Variants in COQ8A observed in about 807,000 individuals in gnomAD.
COQ8A encodes coenzyme Q8A.
In COQ8A, 51 loss-of-function variants were observed where a neutral mutation model predicts 65.0. That is an observed-to-expected ratio of 0.78 (90% CI 0.63 to 0.99). The LOEUF (loss-of-function observed/expected upper bound fraction) is 0.99, where lower values mean the gene tolerates loss of function less well. Ranked by LOEUF, COQ8A falls within the 50% of genes least tolerant of loss-of-function variation. The pLI is 0.00. For synonymous variants in COQ8A, 371 were observed against 353.2 expected, an observed-to-expected ratio of 1.05 and a Z score of -0.57; for missense variants, 940 against 875.0, an observed-to-expected ratio of 1.07 and a Z score of -0.94.
chr1:226,960,653 G>A (rs993545387), intron 1 of COQ8A, among the ~76,000 whole-genome samples: 1 of 151,426 alleles, frequency 6.6e-6, no homozygotes, highest in African/African-American at 2.4e-5. Context: ...GTGGTGCTTG[G>A]TGGTGGTGGT....
chr1:226,964,941 G>C (rs1298428399), intron 2 of COQ8A, 59 bp from the exon 3 acceptor site: 1 of 1,593,986 alleles, frequency 6.3e-7, no homozygotes, highest in African/African-American at 1.3e-5. Flanking sequence ...CAGGGGACAG[G>C]CAGGGAGGAG....
chr1:226,966,779 C>G (rs993582573), intron 4 of COQ8A, among the ~76,000 whole-genome samples: 2 of 152,110 alleles, frequency 1.3e-5, no homozygotes, highest in Non-Finnish European at 1.5e-5. Context: ...TTTGGAAACC[C>G]CATCCTACTT....
chr1:226,964,086 T>C (rs891111396), intron 2 of COQ8A, among the ~76,000 whole-genome samples: 5 of 152,194 alleles, frequency 3.3e-5, no homozygotes, highest in African/African-American at 1.2e-4. Context: ...TCCCATCCTG[T>C]GACATCTTAG....
chr1:226,983,772 G>C lies in COQ8A; in HGVS notation c.1174G>C (p.Glu392Gln), dbSNP rs760476900. Reference sequence around the variant, plus strand: ...CCTCCCTGGCCCAGGCCTGTTCCCCGAGCACCTGATCGACGTGCTGAGGCG... The same window carrying C: ...CCTCCCTGGCCCAGGCCTGTTCCCCCAGCACCTGATCGACGTGCTGAGGCG... ...SNMLPEGLFPEHLIDVLRREL... is the reference protein window; with the variant it reads ...SNMLPEGLFPQHLIDVLRREL... The change falls in exon 10 of 15, where the codon GAG (glutamate) becomes CAG (glutamine). Residue 392 changes from glutamate (E) to glutamine (Q), a missense_variant. Glu to Gln is a conservative substitution (Grantham distance 29, BLOSUM62 2). Transcript: ENST00000366777. 2 of 1,613,088 alleles carry C rather than the reference G, an allele frequency of 1.2e-6. No homozygotes were observed. Among genetic ancestry groups the C allele is most frequent in the Non-Finnish European group, 1.7e-6 (2 of 1,179,984 alleles).
rs553329388 is a variant in COQ8A at position 226,961,098 on chromosome 1, G to T, written c.-9-279G>T. Among the ~76,000 whole-genome samples the T allele has an allele frequency of 5.9e-5, 9 of 152,300 alleles. No homozygotes were observed. In the South Asian group the frequency reaches 1.4e-3, roughly 25 times the overall value. On this transcript the variant is annotated intron_variant, in intron 1 of 14. Transcript: ENST00000366777. Reference sequence around the variant, plus strand: ...TGTCTGTGCCTCAGGTTTTCCGTAGGGTGCTTGTGAGGCCCAGGTGAGGAA... The same window carrying T: ...TGTCTGTGCCTCAGGTTTTCCGTAGTGTGCTTGTGAGGCCCAGGTGAGGAA...
intron 14 of COQ8A, among the ~76,000 whole-genome samples, chr1:226,986,136 T>G (rs545607932): frequency 6.6e-6 from 1 of 152,294 alleles, no homozygotes; most frequent in Admixed American, 6.5e-5. Context: ...CCCTGCCAGC[T>G]TAGGCCCACG....
chr1:226,985,055 C>A, intron 13 of COQ8A, 114 bp downstream of exon 13: 1 of 1,388,594 alleles, frequency 7.2e-7, no homozygotes, highest in Non-Finnish European at 1.0e-6. Flanking sequence ...TCCCCATCTG[C>A]GCTGCCTGCC....
Position 226,949,315 on chromosome 1 carries a change from G to A in COQ8A, c.-10+8916G>A, listed in dbSNP as rs1412036807. On this transcript the variant is annotated intron_variant, in intron 1 of 14. Transcript: ENST00000366777. The surrounding 1 kb of genome is among the most constrained non-coding windows in gnomAD (Gnocchi z 4.0). The stretch of plus-strand genomic sequence containing the variant: ...CAGGTAGAGGAGCCATTTGAGCAAC[G>A]CGTTGGCATGATGAACGTGGGTTTT... Among the ~76,000 whole-genome samples, 1 of 152,052 alleles carries A rather than the reference G, an allele frequency of 6.6e-6. No homozygotes were observed. The highest frequency in any genetic ancestry group is 1.5e-5 in the Non-Finnish European group (1 of 68,012).
intron 1 of COQ8A, among the ~76,000 whole-genome samples, chr1:226,958,522 C>T (rs1657947488): frequency 6.6e-6 from 1 of 152,338 alleles, no homozygotes; most frequent in South Asian, 2.1e-4. Flanking sequence ...GAGGTACGGG[C>T]ATGCCACGCT....
chr1:226,944,464 C>T (rs947301434), intron 1 of COQ8A, among the ~76,000 whole-genome samples: 6 of 151,086 alleles, frequency 4.0e-5, no homozygotes, highest in Non-Finnish European at 7.4e-5. Flanking sequence ...GGTCTTGTTG[C>T]GGGAAGGAGG....
chr1:226,957,159 CGCTCTCCCTGGCTTCT>C (rs1434121586), intron 1 of COQ8A, among the ~76,000 whole-genome samples: 1 of 150,830 alleles, frequency 6.6e-6, no homozygotes, highest in Non-Finnish European at 1.5e-5. Flanking sequence ...CCCTGGCTTC[CGCTCTCCCTGGCTTCT>C]GCTCTCCCTG....
At chr1:226,986,387 G>A in intron 14 of COQ8A, 66 bp from the exon 15 acceptor site, 2 of 1,572,034 alleles carry the variant, frequency 1.3e-6, no homozygotes, top group Non-Finnish European at 1.7e-6. Context: ...GGCACTGTGG[G>A]AGGAACCCGG....
chr1:226,969,986 G>T (rs1658789847), intron 4 of COQ8A, among the ~76,000 whole-genome samples: 1 of 149,180 alleles, frequency 6.7e-6, no homozygotes, highest in East Asian at 2.0e-4. Flanking sequence ...CTTTTTTTTT[G>T]GAGACAGTCT....
chr1:226,971,034 G>A (rs371804581), intron 4 of COQ8A, among the ~76,000 whole-genome samples: 10 of 151,922 alleles, frequency 6.6e-5, no homozygotes, highest in South Asian at 4.2e-4. Context: ...TCTGCCTCCC[G>A]GGTTCAGGTG....
chr1:226,986,897 T>G lies in COQ8A; in HGVS notation c.*160T>G. On this transcript the variant is annotated 3_prime_UTR_variant, in exon 15 of 15. Coordinates refer to ENST00000366777, the MANE Select transcript of COQ8A (RefSeq NM_020247.5). ...AGCCAGCGCTTTCCACGGTTTCTGT[T>G]GCTAAATGGTTGTAGGGTGAGAAGT... The G allele has an allele frequency of 1.2e-6, 1 of 864,478 alleles. No homozygotes were observed. The highest frequency in any genetic ancestry group is 2.3e-5 in the Admixed American group (1 of 42,962). The allele number at this position is 864,478 out of a possible 1,614,324, so 53.6% of individuals were successfully genotyped here. A position where few individuals can be genotyped will look rare whatever the true frequency, so the allele number is the denominator to read the frequency against.
rs189339787 is a variant in COQ8A at position 226,948,667 on chromosome 1, G to T, written c.-10+8268G>T. On this transcript the variant is annotated intron_variant, in intron 1 of 14. Coordinates refer to ENST00000366777, the MANE Select transcript of COQ8A (RefSeq NM_020247.5). The stretch of plus-strand genomic sequence containing the variant: ...CAGTCAACGCTTGCGCTTGTAATTT[G>T]TGTGGGTGGATCACTCTGTGTGTGT... Among the ~76,000 whole-genome samples the T allele has an allele frequency of 3.7e-3, 563 of 152,304 alleles. 3 individuals carry two copies. Among genetic ancestry groups the T allele is most frequent in the African/African-American group, 0.013 (543 of 41,564 alleles).
intron 4 of COQ8A, among the ~76,000 whole-genome samples, chr1:226,971,714 A>G (rs761452719): frequency 1.3e-5 from 2 of 152,160 alleles, no homozygotes; most frequent in Non-Finnish European, 2.9e-5. Flanking sequence ...AAATGTGGCT[A>G]TCAGTTATAT....
intron 1 of COQ8A, among the ~76,000 whole-genome samples, chr1:226,953,112 T>C (rs958229128): frequency 4.6e-5 from 7 of 152,150 alleles, no homozygotes; most frequent in South Asian, 2.1e-4. Context: ...TCACTGCAGC[T>C]TCCGCCTCCT....
chr1:226,983,963 T>C, intron 10 of COQ8A, 109 bp downstream of exon 10: 1 of 1,530,054 alleles, frequency 6.5e-7, no homozygotes, highest in Non-Finnish European at 8.8e-7. Flanking sequence ...AGGGCTGGGG[T>C]TGCAGCCTGG....
Sources: allele counts gnomAD v4.1 joint callset (sites outside exome capture counted in the v4.1 genomes callset), GRCh38; gene constraint gnomAD v4.1.1; non-coding constraint Gnocchi (gnomAD v3.1); transcripts MANE v1.5; gene names NCBI Gene and HGNC (gene_info 2026-07-23, HGNC 2026-07-21).